Variants in DDX49 observed in about 807,000 individuals in gnomAD.
The protein encoded by DDX49 is DEAD-box helicase 49.
DDX49 carries 50 observed loss-of-function variants against 56.3 expected under a neutral mutation model. The observed-to-expected ratio is 0.89, with a 90% confidence interval of 0.71 to 1.12. The LOEUF is 1.12. Among genes scored for constraint, DDX49 ranks in the 50% most tolerant of loss-of-function variants. The pLI is 0.00. For synonymous variants in DDX49, 269 were observed against 270.6 expected, an observed-to-expected ratio of 0.99 and a Z score of 0.06; for missense variants, 614 against 650.5, an observed-to-expected ratio of 0.94 and a Z score of 0.61.
At chr19:18,927,730 T>TCCCCAC (rs981820185) in intron 10 of DDX49, 36 bp from the exon 11 acceptor site, 7 of 1,561,164 alleles carry the variant, frequency 4.5e-6, no homozygotes, top group East Asian at 2.2e-5. Context: ...TCACGTCTCC[T>TCCCCAC]CCCCACCCCC....
chr19:18,928,616 CTTTT>C lies in DDX49; in HGVS notation c.*301_*304del, dbSNP rs1269429122. 6.0e-6 allele frequency: 2 copies of C among 333,470 alleles called. No homozygotes were observed. The highest frequency in any genetic ancestry group is 5.5e-6 in the Non-Finnish European group (1 of 182,260). 20.7% of individuals were successfully genotyped at this position (333,470 alleles called of 1,614,324 possible). A position where few individuals can be genotyped will look rare whatever the true frequency, so the allele number is the denominator to read the frequency against. ...TACAGGAGGTGCTTAATAAACGGGTCTTTTGACTTCCTCAGTCTGACTTTCGAAG... is the reference window on the plus strand; with the variant it reads ...TACAGGAGGTGCTTAATAAACGGGTCGACTTCCTCAGTCTGACTTTCGAAG... On this transcript the variant is annotated 3_prime_UTR_variant, in exon 13 of 13. Transcript: ENST00000247003.
Position 18,922,328 on chromosome 19 carries a change from G to T in DDX49, c.450G>T (p.Val150=). The part of the protein sequence containing the change: ...TFSIKKIRFL[V]MDEADRLLEQ... Reference sequence around the variant, plus strand: ...CCCTGCCCCCATTGGCACGGCAGGTGATGGATGAGGCAGACCGGCTGCTGG... The same window carrying T: ...CCCTGCCCCCATTGGCACGGCAGGTTATGGATGAGGCAGACCGGCTGCTGG... The change falls in exon 5 of 13, where the codon GTG becomes GTT. Residue 150 remains valine (V), a splice_region_variant and synonymous_variant. Coordinates refer to ENST00000247003, the MANE Select transcript of DDX49 (RefSeq NM_019070.5). 6.2e-7 allele frequency: 1 copy of T among 1,610,490 alleles called. No homozygotes were observed. The highest frequency in any genetic ancestry group is 1.1e-5 in the South Asian group (1 of 90,328).
At chr19:18,923,025 T>C (rs1223095306) in intron 6 of DDX49, among the ~76,000 whole-genome samples, 2 of 152,194 alleles carry the variant, frequency 1.3e-5, no homozygotes, top group African/African-American at 4.8e-5. Context: ...TGAGCTTTCC[T>C]GGGCCTTTAG....
chr19:18,926,625 A>ACTGAGATGTATGGAAGGTCC (rs2056963571), intron 10 of DDX49, among the ~76,000 whole-genome samples: 2 of 152,100 alleles, frequency 1.3e-5, no homozygotes, highest in South Asian at 4.1e-4. Context: ...GGTTTCTTAG[A>ACTGAGATGTATGGAAGGTCC]CTGAGATGTA....
Position 18,924,251 on chromosome 19 carries a change from C to T in DDX49, c.795C>T (p.Cys265=). The T allele has an allele frequency of 6.2e-7, 1 of 1,614,054 alleles. No homozygotes were observed. Among genetic ancestry groups the T allele is most frequent in the Non-Finnish European group, 8.5e-7 (1 of 1,180,026 alleles). Residue 265 remains cysteine, a synonymous_variant, in exon 7 of 13, where the codon TGC becomes TGT. Coordinates refer to ENST00000247003, the MANE Select transcript of DDX49 (RefSeq NM_019070.5). Reference sequence around the variant, plus strand: ...CCGCCAGGACCTGCCAGATTCTGTGCATGATGCTGCGCAAATTCAGCTTCC... The same window carrying T: ...CCGCCAGGACCTGCCAGATTCTGTGTATGATGCTGCGCAAATTCAGCTTCC... ...TNTCKTCQIL[C]MMLRKFSFPT... is the part of the protein sequence containing the mutation.
rs755791901 is a variant in DDX49 at position 18,919,777 on chromosome 19, G to C, written c.36G>C (p.Trp12Cys). 3.5e-5 allele frequency: 57 copies of C among 1,612,584 alleles called. No homozygotes were observed. The highest frequency in any genetic ancestry group is 4.6e-5 in the Non-Finnish European group (54 of 1,179,202). ...AGFAELGLSS[W>C]LVEQCRQLGL... ...TCGCGGAGCTCGGGCTGTCATCGTG[G>C]CTCGTGGAACAATGTCGGCAGCTGG... The change falls in exon 1 of 13, where the codon TGG becomes TGC. Residue 12 changes from tryptophan to cysteine, a missense_variant. By Grantham distance (215) the Trp-to-Cys change is radical. Coordinates refer to ENST00000247003, the MANE Select transcript of DDX49 (RefSeq NM_019070.5).
chr19:18,920,420 G>A (rs186669281), intron 1 of DDX49, among the ~76,000 whole-genome samples, 160 bp from the exon 2 acceptor site: 3 of 152,344 alleles, frequency 2.0e-5, no homozygotes, highest in South Asian at 2.1e-4. Flanking sequence ...CTCCTGGACG[G>A]AGTTAGAACG....
At position 18,921,942 on chromosome 19, in the gene DDX49, G is replaced by A. The variant is rs774380046; in HGVS notation, c.425G>A (p.Ser142Asn). ...CACCTGCGCAGCTCCAACACTTTTA[G>A]TATAAAGAAGATCCGCTTCCTGGTG... ...ADHLRSSNTF[S>N]IKKIRFLVMD... Residue 142 changes from serine to asparagine, a missense_variant, in exon 4 of 13, where the codon AGT (serine) becomes AAT (asparagine). Coordinates refer to ENST00000247003, the MANE Select transcript of DDX49 (RefSeq NM_019070.5). The A allele has an allele frequency of 6.2e-7, 1 of 1,611,868 alleles. No homozygotes were observed. The highest frequency in any genetic ancestry group is 8.5e-7 in the Non-Finnish European group (1 of 1,178,644).
intron 5 of DDX49, 27 bp downstream of exon 5, chr19:18,922,540 G>A (rs1205179307): frequency 1.3e-6 from 2 of 1,597,984 alleles, no homozygotes; most frequent in Non-Finnish European, 1.7e-6. Flanking sequence ...GACAGCGTGG[G>A]GAGGGCAGCC....
chr19:18,922,154 T>C, intron 4 of DDX49, 172 bp from the exon 5 acceptor site: 1 of 1,157,114 alleles, frequency 8.6e-7, no homozygotes, highest in South Asian at 1.5e-5. Flanking sequence ...AGCAATGTTA[T>C]TCGGGGGTAG....
intron 9 of DDX49, among the ~76,000 whole-genome samples, chr19:18,925,595 T>C (rs1322744637): frequency 1.3e-5 from 2 of 152,126 alleles, no homozygotes; most frequent in East Asian, 1.9e-4. Flanking sequence ...TAAAATAAAA[T>C]TGTAAAATAA....
At position 18,921,978 on chromosome 19, in the gene DDX49, G is replaced by A. The variant is rs756677927; in HGVS notation, c.447+14G>A. 8.1e-6 allele frequency: 13 copies of A among 1,598,640 alleles called. No individual in the cohort carries two copies. The highest frequency in any genetic ancestry group is 2.2e-5 in the South Asian group (2 of 90,080). On this transcript the variant is annotated intron_variant, in intron 4 of 12. Coordinates refer to ENST00000247003, the MANE Select transcript of DDX49 (RefSeq NM_019070.5). ...ATCCGCTTCCTGGTGAGTTCGCCCC[G>A]CCCCTGCAGACCTCAGGAGCTGGGC...
Position 18,919,716 on chromosome 19 carries a change from A to C in DDX49, c.-26A>C. ...AGCGCGGATCACACGGGCCCCTACA[A>C]GGGGCCCCTACAAGCGGCCACAAGG... On this transcript the variant is annotated 5_prime_UTR_variant, in exon 1 of 13. Coordinates refer to ENST00000247003, the MANE Select transcript of DDX49 (RefSeq NM_019070.5). The C allele has an allele frequency of 6.3e-7, 1 of 1,582,540 alleles. No homozygotes were observed. Among genetic ancestry groups the C allele is most frequent in the Non-Finnish European group, 8.6e-7 (1 of 1,156,152 alleles).
rs977811870 is a variant in DDX49 at position 18,924,792 on chromosome 19, C to G, written c.930-90C>G. On this transcript the variant is annotated intron_variant, in intron 8 of 12. Coordinates refer to ENST00000247003, the MANE Select transcript of DDX49 (RefSeq NM_019070.5). ...GCTGGCCTCAGGCATGTCAGGCAGC[C>G]CTAGCATCCCTGCTGAGTGACCCTG... 5.0e-6 allele frequency: 8 copies of G among 1,612,576 alleles called. No individual in the cohort carries two copies. The African/African-American group carries it at 1.1e-4, about 22-fold the overall frequency.
chr19:18,925,008 T>C, intron 9 of DDX49, 29 bp downstream of exon 9: 1 of 1,601,764 alleles, frequency 6.2e-7, no homozygotes, highest in Middle Eastern at 1.7e-4. Context: ...GGCCGAGCCT[T>C]GGGCCTCTGT....
At position 18,928,468 on chromosome 19, in the gene DDX49, T is replaced by A; in HGVS notation, c.*152T>A. On this transcript the variant is annotated 3_prime_UTR_variant, in exon 13 of 13. Coordinates refer to ENST00000247003, the MANE Select transcript of DDX49 (RefSeq NM_019070.5). ...TCGTGTTGTGCGGGCCCTGCTCCTCTGCCCCGAAACCACTGGCTGGTCCCT... is the reference window on the plus strand; with the variant it reads ...TCGTGTTGTGCGGGCCCTGCTCCTCAGCCCCGAAACCACTGGCTGGTCCCT... 1.4e-6 allele frequency: 1 copy of A among 739,446 alleles called. No individual in the cohort carries two copies. The highest frequency in any genetic ancestry group is 2.1e-6 in the Non-Finnish European group (1 of 471,162). 45.8% of individuals were successfully genotyped at this position (739,446 alleles called of 1,614,324 possible).
intron 2 of DDX49, chr19:18,921,035 G>T (rs2056912118): frequency 5.8e-6 from 1 of 171,844 alleles, no homozygotes. Context: ...CAGCTACTCG[G>T]GAGGCCGAGG....
chr19:18,924,156 C>T, intron 6 of DDX49, 77 bp from the exon 7 acceptor site: 1 of 1,451,080 alleles, frequency 6.9e-7, no homozygotes, highest in South Asian at 1.1e-5. Flanking sequence ...CTAGGTGTCT[C>T]AGGGGCGGGT....
At chr19:18,924,199 C>T in intron 6 of DDX49, 34 bp from the exon 7 acceptor site, 1 of 1,610,210 alleles carries the variant, frequency 6.2e-7, no homozygotes, top group South Asian at 1.1e-5. Flanking sequence ...AACCTGAGAG[C>T]TGGAGGGGTT....
Sources: allele counts gnomAD v4.1 joint callset (sites outside exome capture counted in the v4.1 genomes callset), GRCh38; gene constraint gnomAD v4.1.1; transcripts MANE v1.5; gene names NCBI Gene and HGNC (gene_info 2026-07-23, HGNC 2026-07-21).